Variants in NFKB2 observed in about 807,000 individuals in gnomAD.
The protein encoded by NFKB2 is nuclear factor kappa B subunit 2, also known as nuclear factor NF-kappa-B p100 subunit.
Under a neutral mutation model 109.3 loss-of-function variants are expected in NFKB2, and 21 were observed. The observed-to-expected ratio is 0.19, with a 90% CI of 0.14 to 0.28. The LOEUF (loss-of-function observed/expected upper bound fraction) is 0.28. Ranked by LOEUF, NFKB2 falls within the 10% of genes least tolerant of loss-of-function variation. The pLI, the probability that NFKB2 is intolerant of heterozygous loss-of-function variation, is 1.00. For missense variants in NFKB2, 806 were observed against 1,185.3 expected (o/e 0.68, Z 4.70); for synonymous variants, 478 against 489.9 (o/e 0.98, Z 0.32).
chr10:102,396,187 G>A lies in NFKB2; in HGVS notation c.22-66G>A. On this transcript the variant is annotated intron_variant, in intron 2 of 22. Coordinates refer to ENST00000661543, the MANE Select transcript of NFKB2 (RefSeq NM_001322934.2). The surrounding 1 kb of genome is among the most constrained non-coding windows in gnomAD (Gnocchi z 5.9). Reference sequence around the variant, plus strand: ...GGGGAGTGACCACTGAAGACTTGGAGATGGGAGGTGGGGCTGTGGGGGGTG... The same window carrying A: ...GGGGAGTGACCACTGAAGACTTGGAAATGGGAGGTGGGGCTGTGGGGGGTG... The A allele has an allele frequency of 6.5e-7, 1 of 1,543,116 alleles. No homozygotes were observed. The highest frequency in any genetic ancestry group is 8.9e-7 in the Non-Finnish European group (1 of 1,124,432).
chr10:102,397,839 G>A lies in NFKB2; in HGVS notation c.662-142G>A. The A allele has an allele frequency of 7.9e-7, 1 of 1,269,424 alleles. No homozygotes were observed. Among genetic ancestry groups the A allele is most frequent in the African/African-American group, 1.5e-5 (1 of 67,050 alleles). The allele number at this position is 1,269,424 out of a possible 1,614,324, so 78.6% of individuals were successfully genotyped here. On this transcript the variant is annotated intron_variant, in intron 8 of 22. Coordinates refer to ENST00000661543, the MANE Select transcript of NFKB2 (RefSeq NM_001322934.2). The surrounding 1 kb of genome is among the most constrained non-coding windows in gnomAD (Gnocchi z 4.7). ...CTGAGCAAGTCATTTCCCCCCCGAAGCTTCTGTCTTTAGTAAATGTGTATA... is the reference window on the plus strand; with the variant it reads ...CTGAGCAAGTCATTTCCCCCCCGAAACTTCTGTCTTTAGTAAATGTGTATA...
Position 102,397,539 on chromosome 10 carries a change from G to A in NFKB2, c.515G>A (p.Arg172Gln), listed in dbSNP as rs779769505. 9.9e-6 allele frequency: 16 copies of A among 1,613,004 alleles called. No individual in the cohort carries two copies. The highest frequency in any genetic ancestry group is 5.0e-5 in the Admixed American group (3 of 59,994). Reference protein sequence around the residue: ...RPQGLTEAEQRELEQEAKELK... With the variant: ...RPQGLTEAEQQELEQEAKELK... The stretch of plus-strand genomic sequence containing the variant: ...ACCTACTGCCCAGAGGCCGAGCAGC[G>A]GGAGCTGGAGCAAGAGGCCAAAGAA... Residue 172 changes from arginine to glutamine, a missense_variant, in exon 8 of 23, where the codon CGG (arginine) becomes CAG (glutamine). Physicochemically the swap from Arg to Gln is conservative, Grantham distance 43. This residue lies in a region of NFKB2 where 62 missense variants were observed against 102.2 expected (regional missense o/e 0.61). Transcript: ENST00000661543. The surrounding 1 kb of genome is among the most constrained non-coding windows in gnomAD (Gnocchi z 4.7).
chr10:102,394,568 CG>C (rs3833904), upstream of NFKB2: 50,696 of 152,528 alleles, frequency 0.33, 9,292 homozygotes, highest in African/African-American at 0.49. Context: ...GGGTCGGGCG[CG>C]GAGAGAAGCC....
At position 102,400,706 on chromosome 10, in the gene NFKB2, A is replaced by G. The variant is rs1304447423; in HGVS notation, c.1850A>G (p.Asp617Gly). ...AVRARSPECL[D>G]LLVDSGAEVE... ...CGAGCCCGAAGCCCTGAGTGCCTGG[A>G]TCTGCTGGTGGACAGTGGGGCTGAA... Residue 617 changes from aspartate to glycine, a missense_variant, in exon 17 of 23, where the codon GAT becomes GGT. Physicochemically the swap from Asp to Gly is moderately conservative, Grantham distance 94. Transcript: ENST00000661543. The surrounding 1 kb of genome is among the most constrained non-coding windows in gnomAD (Gnocchi z 6.3). 7.4e-6 allele frequency: 12 copies of G among 1,614,036 alleles called. No homozygotes were observed. The highest frequency in any genetic ancestry group is 8.5e-6 in the Non-Finnish European group (10 of 1,179,988).
rs983059170 is a variant in NFKB2, at chr10:102,402,485, G to T, written c.*109G>T. ...CACCCCTCAGTTGGGACAAATAAAG[G>T]ATTCTCATGGGAAGGGGAGGACCCC... On this transcript the variant is annotated 3_prime_UTR_variant, in exon 23 of 23. Coordinates refer to ENST00000661543, the MANE Select transcript of NFKB2 (RefSeq NM_001322934.2). 12 of 644,442 alleles carry T rather than the reference G, an allele frequency of 1.9e-5. No individual in the cohort carries two copies. The highest frequency in any genetic ancestry group is 9.2e-5 in the African/African-American group (5 of 54,208). 39.9% of individuals were successfully genotyped at this position (644,442 alleles called of 1,614,324 possible).
Position 102,401,516 on chromosome 10 carries a change from C to G in NFKB2, c.2291C>G (p.Ala764Gly). 1.2e-6 allele frequency: 2 copies of G among 1,612,812 alleles called. No individual in the cohort carries two copies. The highest frequency in any genetic ancestry group is 1.7e-6 in the Non-Finnish European group (2 of 1,179,916). The change falls in exon 20 of 23, where the codon GCA becomes GGA. Residue 764 changes from alanine (A) to glycine (G), a missense_variant and splice_region_variant. Ala to Gly is a moderately conservative substitution (Grantham distance 60). This residue lies in a region of NFKB2 where 211 missense variants were observed against 268.7 expected (regional missense o/e 0.79). Transcript: ENST00000661543. The surrounding 1 kb of genome is among the most constrained non-coding windows in gnomAD (Gnocchi z 4.2). ...CCACCCCTGACCCCGCCCAGCCCAG[C>G]AGGTGAGAAGCATCAGGCATCCCCA... The part of the protein sequence containing the change: ...MEPPLTPPSP[A>G]GPGLSLGDTA...
At chr10:102,399,106 G>A (rs1026662996) in intron 12 of NFKB2, 182 bp from the exon 13 acceptor site, 7 of 736,766 alleles carry the variant, frequency 9.5e-6, no homozygotes, top group South Asian at 3.7e-5. Context: ...CCAGCTACTC[G>A]GGAGGCTGAG....
upstream of NFKB2, chr10:102,394,482 C>G (rs944269013): frequency 6.6e-6 from 1 of 152,622 alleles, no homozygotes; most frequent in Non-Finnish European, 1.5e-5. Context: ...GGAATTCCCC[C>G]CTCCGGGGGG....
In NFKB2 at chr10:102,396,524, C is replaced by A. The variant is rs1237153604; in HGVS notation, c.144+35C>A. ...CAAAAGGGAGGGTGTGGAATGGCTT[C>A]AGCTTTGGGGACAAATGGGGTAGTG... is the stretch of plus-strand genomic sequence containing the variant. On this transcript the variant is annotated intron_variant, in intron 4 of 22. Coordinates refer to ENST00000661543, the MANE Select transcript of NFKB2 (RefSeq NM_001322934.2). This position sits in a 1 kb window ranked among gnomAD's most constrained non-coding sequence, Gnocchi z 5.9. The A allele has an allele frequency of 1.2e-6, 2 of 1,613,466 alleles. No homozygotes were observed. Among genetic ancestry groups the A allele is most frequent in the South Asian group, 2.2e-5 (2 of 91,050 alleles).
At position 102,397,678 on chromosome 10, in the gene NFKB2, T is replaced by C. The variant is rs1385842866; in HGVS notation, c.654T>C (p.His218=). The C allele has an allele frequency of 2.5e-6, 4 of 1,608,810 alleles. No individual in the cohort carries two copies. The South Asian group carries it at 3.3e-5, about 13-fold the overall frequency. The change falls in exon 8 of 23, where the codon CAT becomes CAC. Residue 218 remains histidine, a synonymous_variant. Transcript: ENST00000661543. This position sits in a 1 kb window ranked among gnomAD's most constrained non-coding sequence, Gnocchi z 4.7. Reference sequence around the variant, plus strand: ...AGCCAGTCATCTCCCAGCCCATCCATGACAGCAGTGAGTATCCTGATTGCC... The same window carrying C: ...AGCCAGTCATCTCCCAGCCCATCCACGACAGCAGTGAGTATCCTGATTGCC... ...PLKPVISQPI[H]DSKSPGASNL...
At position 102,395,794 on chromosome 10, in the gene NFKB2, G is replaced by T; in HGVS notation, c.-75G>T. On this transcript the variant is annotated splice_region_variant and 5_prime_UTR_variant, in exon 1 of 23. Transcript: ENST00000661543. ...GCCACACCCGGACAGGCGGCTGGAG[G>T]AGGTCGGACCCTCCCCCAAATCTGG... The T allele has an allele frequency of 1.5e-6, 1 of 673,788 alleles. No individual in the cohort carries two copies. The highest frequency in any genetic ancestry group is 2.5e-6 in the Non-Finnish European group (1 of 393,564). The allele number at this position is 673,788 out of a possible 1,614,324, so 41.7% of individuals were successfully genotyped here.
Position 102,397,414 on chromosome 10 carries a change from G to C in NFKB2, c.502+6G>C. 3 of 1,610,212 alleles carry C rather than the reference G, an allele frequency of 1.9e-6. No individual in the cohort carries two copies. On this transcript the variant is annotated splice_donor_region_variant and intron_variant, in intron 7 of 22. Coordinates refer to ENST00000661543, the MANE Select transcript of NFKB2 (RefSeq NM_001322934.2). The surrounding 1 kb of genome is among the most constrained non-coding windows in gnomAD (Gnocchi z 4.7). Reference sequence around the variant, plus strand: ...TAGGCCCCAGGGCCTTACGGGTATGGGTGCAGGGGGTGGGTCGGGTATGGG... The same window carrying C: ...TAGGCCCCAGGGCCTTACGGGTATGCGTGCAGGGGGTGGGTCGGGTATGGG...
chr10:102,397,767 G>C lies in NFKB2; in HGVS notation c.661+82G>C. The C allele has an allele frequency of 6.6e-7, 1 of 1,525,338 alleles. No individual in the cohort carries two copies. The highest frequency in any genetic ancestry group is 8.9e-7 in the Non-Finnish European group (1 of 1,123,774). 94.5% of individuals were successfully genotyped at this position (1,525,338 alleles called of 1,614,324 possible). ...TGACCTCAAGCTGTGCAGTCAAACA[G>C]ACCCAGGTTTCAGAACCTGGCCCTG... On this transcript the variant is annotated intron_variant, in intron 8 of 22. Transcript: ENST00000661543. The surrounding 1 kb of genome is among the most constrained non-coding windows in gnomAD (Gnocchi z 4.7).
chr10:102,395,602 C>A (rs1299190489), upstream of NFKB2: 5 of 439,984 alleles, frequency 1.1e-5, no homozygotes, highest in South Asian at 8.7e-5. Context: ...GAGGGCCTCC[C>A]GCCCCTCCCG....
chr10:102,401,141 C>T lies in NFKB2; in HGVS notation c.2072-39C>T, dbSNP rs1278858280. 5.0e-6 allele frequency: 8 copies of T among 1,601,196 alleles called. No homozygotes were observed. The highest frequency in any genetic ancestry group is 1.7e-5 in the Admixed American group (1 of 59,268). On this transcript the variant is annotated intron_variant, in intron 18 of 22. Transcript: ENST00000661543. This position sits in a 1 kb window ranked among gnomAD's most constrained non-coding sequence, Gnocchi z 4.2. Reference sequence around the variant, plus strand: ...CCGACTTTGCAGTCCTTAATGTAGGCCCCCACCATACCGCCCCATGACGGC... The same window carrying T: ...CCGACTTTGCAGTCCTTAATGTAGGTCCCCACCATACCGCCCCATGACGGC...
rs556745329 is a variant in NFKB2, at chr10:102,399,590, C to G, written c.1341C>G (p.Asn447Lys). ...TGTGGCCCGTAGCTCGAGAGTACAA[C>G]GCGCGCCTGTTCGGCCTGGCGCAGC... Reference protein sequence around the residue: ...PEMLQRAREYNARLFGLAQRS... With the variant: ...PEMLQRAREYKARLFGLAQRS... Residue 447 changes from asparagine to lysine, a missense_variant, in exon 14 of 23, where the codon AAC (asparagine) becomes AAG (lysine). This residue lies in a region of NFKB2 where 209 missense variants were observed against 211.9 expected (regional missense o/e 0.99). Coordinates refer to ENST00000661543, the MANE Select transcript of NFKB2 (RefSeq NM_001322934.2). 1.3e-6 allele frequency: 2 copies of G among 1,551,048 alleles called. No individual in the cohort carries two copies. The highest frequency in any genetic ancestry group is 1.4e-5 in the African/African-American group (1 of 72,828).
chr10:102,395,146 C>T (rs1589855883), upstream of NFKB2, among the ~76,000 whole-genome samples: 1 of 145,754 alleles, frequency 6.9e-6, no homozygotes, highest in Non-Finnish European at 1.5e-5. Flanking sequence ...CTGTCGCCTG[C>T]GCGCCCAGAA....
At position 102,396,403 on chromosome 10, in the gene NFKB2, G is replaced by T. The variant is rs762380491; in HGVS notation, c.104-46G>T. 1 of 1,614,126 alleles carries T rather than the reference G, an allele frequency of 6.2e-7. No individual in the cohort carries two copies. Among genetic ancestry groups the T allele is most frequent in the Non-Finnish European group, 8.5e-7 (1 of 1,179,974 alleles). On this transcript the variant is annotated intron_variant, in intron 3 of 22. Transcript: ENST00000661543. This position sits in a 1 kb window ranked among gnomAD's most constrained non-coding sequence, Gnocchi z 5.9. The stretch of plus-strand genomic sequence containing the variant: ...GGAGAGCATGTGCCCTCTCTCTGGG[G>T]GAGGGGCTGGGAGATCGTGGCTCAG...
rs1223047161 is a variant in NFKB2, at chr10:102,396,562, C to T, written c.144+73C>T. 6.2e-7 allele frequency: 1 copy of T among 1,605,972 alleles called. No individual in the cohort carries two copies. The highest frequency in any genetic ancestry group is 8.5e-7 in the Non-Finnish European group (1 of 1,174,582). On this transcript the variant is annotated intron_variant, in intron 4 of 22. Coordinates refer to ENST00000661543, the MANE Select transcript of NFKB2 (RefSeq NM_001322934.2). This position sits in a 1 kb window ranked among gnomAD's most constrained non-coding sequence, Gnocchi z 5.9. The stretch of plus-strand genomic sequence containing the variant: ...AAATGGGGTAGTGGTAGCTGGCTGG[C>T]CATGGAGGAGCCATTGCCGAAGGAG...
Sources: allele counts gnomAD v4.1 joint callset (sites outside exome capture counted in the v4.1 genomes callset), GRCh38; gene constraint gnomAD v4.1.1; regional missense constraint gnomAD v4.1.1; non-coding constraint Gnocchi (gnomAD v3.1); transcripts MANE v1.5; gene names NCBI Gene and HGNC (gene_info 2026-07-23, HGNC 2026-07-21).